WDPCP: variants seen among roughly 807,000 people sequenced by gnomAD.
WDPCP encodes WD repeat containing planar cell polarity effector.
WDPCP carries 71 observed loss-of-function variants against 93.1 expected under a neutral mutation model. The observed-to-expected ratio is 0.76, with a 90% CI of 0.63 to 0.93. The LOEUF is 0.93. Ranked by LOEUF, WDPCP falls within the 40% of genes least tolerant of loss-of-function variation. WDPCP has a pLI of 0.00. For missense variants in WDPCP, 844 were observed against 887.4 expected (o/e 0.95, Z 0.62); for synonymous variants, 315 against 315.0 (o/e 1.00, Z 0.00).
At chr2:63,262,824 T>TA (rs2104796733) in intron 13 of WDPCP, among the ~76,000 whole-genome samples, 1 of 152,334 alleles carries the variant, frequency 6.6e-6, no homozygotes, top group South Asian at 2.1e-4. Flanking sequence ...TGTTTTACTC[T>TA]GCCCAGGCTA....
At chr2:63,484,327 C>A (rs1558695538) in intron 6 of WDPCP, among the ~76,000 whole-genome samples, 1 of 151,958 alleles carries the variant, frequency 6.6e-6, no homozygotes, top group South Asian at 2.1e-4. Context: ...TCTACTACAA[C>A]ATTCAGACAA....
At chr2:63,711,056 C>A (rs1374199429) in intron 2 of WDPCP, among the ~76,000 whole-genome samples, 3 of 152,134 alleles carry the variant, frequency 2.0e-5, no homozygotes, top group Non-Finnish European at 2.9e-5. Context: ...TAAAGAACCC[C>A]TAGGCCCAAA....
intron 2 of WDPCP, among the ~76,000 whole-genome samples, chr2:63,678,939 C>T (rs1057404642): frequency 2.0e-5 from 3 of 152,216 alleles, no homozygotes; most frequent in East Asian, 1.9e-4. Context: ...ACCAACAGTT[C>T]CAATGATGGT....
At chr2:63,687,536 C>T (rs533411959) in intron 2 of WDPCP, among the ~76,000 whole-genome samples, 2 of 152,238 alleles carry the variant, frequency 1.3e-5, no homozygotes, top group African/African-American at 2.4e-5. Flanking sequence ...TGTGCATAGA[C>T]GTTTCTCAAA....
intron 2 of WDPCP, among the ~76,000 whole-genome samples, chr2:63,719,785 A>G (rs1669389622): frequency 6.6e-6 from 1 of 152,146 alleles, no homozygotes; most frequent in East Asian, 1.9e-4. Context: ...TTATGTTATA[A>G]AAGTTTTTAA....
intron 14 of WDPCP, among the ~76,000 whole-genome samples, chr2:63,196,138 T>C (rs1207485497): frequency 6.6e-6 from 1 of 152,264 alleles, no homozygotes; most frequent in Non-Finnish European, 1.5e-5. Context: ...ACCAGAAACC[T>C]TGAATAACAC....
At chr2:63,635,709 C>A (rs1709914015) in intron 3 of WDPCP, among the ~76,000 whole-genome samples, 1 of 152,094 alleles carries the variant, frequency 6.6e-6, no homozygotes, top group South Asian at 2.1e-4. Context: ...TGTATTTCAA[C>A]ATAATAAAGG....
At chr2:63,203,976 AGTCTTGGCT>A (rs1415344035) in intron 14 of WDPCP, among the ~76,000 whole-genome samples, 1 of 152,162 alleles carries the variant, frequency 6.6e-6, no homozygotes, top group Non-Finnish European at 1.5e-5. Context: ...GTTGCTTCCA[AGTCTTGGCT>A]CCTGTGAACA....
At chr2:63,752,216 C>T (rs1669894527) in intron 2 of WDPCP, 10 of 702,474 alleles carry the variant, frequency 1.4e-5, no homozygotes, top group South Asian at 1.3e-4. Context: ...TTTGCCACTG[C>T]CTCAATCAGT....
At chr2:63,763,229 C>A (rs970548076) in intron 2 of WDPCP, among the ~76,000 whole-genome samples, 12 of 152,236 alleles carry the variant, frequency 7.9e-5, no homozygotes, top group Non-Finnish European at 1.3e-4. Context: ...ATGGTCCGGG[C>A]ACGGTGGCTC....
rs533740136 is a variant in WDPCP, at chr2:63,550,692, C to T, written c.75+37505G>A. Among the ~76,000 whole-genome samples, 25 of 148,248 alleles carry T rather than the reference C, an allele frequency of 1.7e-4. 2 individuals carry two copies. The South Asian group carries it at 5.3e-3, about 31-fold the overall frequency. On this transcript the variant is annotated intron_variant, in intron 1 of 17. Coordinates refer to ENST00000272321, the MANE Select transcript of WDPCP (RefSeq NM_015910.7). ...CTCAAGCATTATATATATATACATA[C>T]ACATACATATACATATATGTGTGTA... is the stretch of plus-strand genomic sequence containing the variant.
chr2:63,595,372 G>A lies in WDPCP; in HGVS notation n.488+55287C>T, dbSNP rs368698080. ...AAACTATGTGAAAAGACTTTCTTGT[G>A]TCTAAATGAAATAGCCTACACTAAC... On this transcript the variant is annotated intron_variant and non_coding_transcript_variant, in intron 3 of 4. Transcript: ENST00000467687. The A allele has an allele frequency of 1.0e-3, 1,119 of 1,121,994 alleles. 1 individual carries two copies. Among genetic ancestry groups the A allele is most frequent in the Non-Finnish European group, 1.4e-3 (1,020 of 731,642 alleles). The allele number at this position is 1,121,994 out of a possible 1,614,324, so 69.5% of individuals were successfully genotyped here. A position where few individuals can be genotyped will look rare whatever the true frequency, so the allele number is the denominator to read the frequency against.
chr2:63,465,849 A>G (rs1320541172), intron 6 of WDPCP, among the ~76,000 whole-genome samples: 9 of 152,172 alleles, frequency 5.9e-5, no homozygotes, highest in Non-Finnish European at 1.2e-4. Context: ...GACAACCTGA[A>G]AAAGAATGTA....
intron 1 of WDPCP, among the ~76,000 whole-genome samples, chr2:63,514,872 G>A (rs1558739257): frequency 1.3e-5 from 2 of 152,094 alleles, no homozygotes; most frequent in African/African-American, 2.4e-5. Flanking sequence ...AATTATTCTT[G>A]CCACTCCTGT....
chr2:63,696,259 C>T (rs1447182677), intron 2 of WDPCP, among the ~76,000 whole-genome samples: 2 of 152,214 alleles, frequency 1.3e-5, no homozygotes, highest in African/African-American at 2.4e-5. Context: ...TGACACACTC[C>T]CGCATGCACA....
intron 16 of WDPCP, 74 bp from the exon 17 acceptor site, chr2:63,153,019 C>T: frequency 8.1e-7 from 1 of 1,242,030 alleles, no homozygotes. Flanking sequence ...TTTTACAACA[C>T]TAAAAACAGA....
At chr2:63,213,338 T>G (rs1677004478) in intron 14 of WDPCP, among the ~76,000 whole-genome samples, 2 of 152,144 alleles carry the variant, frequency 1.3e-5, no homozygotes, top group African/African-American at 2.4e-5. Context: ...ACCGCTCAAC[T>G]ACATGGAAAC....
chr2:63,588,129 C>A (rs1042537479), intron 1 of WDPCP, 68 bp downstream of exon 1: 2 of 1,524,938 alleles, frequency 1.3e-6, no homozygotes, highest in African/African-American at 2.8e-5. Context: ...CAAAGCGGGA[C>A]GGCGCACCAA....
chr2:63,799,658 C>T (rs1295970890), intron 2 of WDPCP, among the ~76,000 whole-genome samples: 1 of 152,138 alleles, frequency 6.6e-6, no homozygotes, highest in African/African-American at 2.4e-5. Flanking sequence ...AAGTCTTTGT[C>T]TCATATTCTT....
Sources: gnomAD v4.1 joint callset for allele counts (sites outside exome capture counted in the v4.1 genomes callset) on GRCh38, gnomAD v4.1.1 for gene constraint, MANE v1.5 for transcripts, NCBI Gene and HGNC (gene_info 2026-07-23, HGNC 2026-07-21) for gene names.